FAM133A: variants seen among roughly 807,000 people sequenced by gnomAD.
FAM133A encodes the protein family with sequence similarity 133 member A.
For missense variants in FAM133A, 159 were observed against 164.4 expected, an observed-to-expected ratio of 0.97 and a Z score of 0.18; for synonymous variants, 65 against 58.6, an observed-to-expected ratio of 1.11 and a Z score of -0.50.
intron 2 of FAM133A, among the ~76,000 whole-genome samples, chrX:93,696,489 T>C (rs892490366): frequency 8.9e-6 from 1 of 111,923 alleles, no homozygotes; most frequent in Non-Finnish European, 1.9e-5. Flanking sequence ...AGACCCAGAT[T>C]ACTGCCTCTA....
At chrX:93,708,275 G>A (rs1001092755) in intron 3 of FAM133A, among the ~76,000 whole-genome samples, 1 of 112,132 alleles carries the variant, frequency 8.9e-6, no homozygotes, top group Non-Finnish European at 1.9e-5. Context: ...GAGAAAAAAG[G>A]TGAGTGAAAC....
intron 3 of FAM133A, among the ~76,000 whole-genome samples, chrX:93,699,789 T>G (rs1475778288): frequency 9.0e-6 from 1 of 111,153 alleles, no homozygotes; most frequent in Non-Finnish European, 1.9e-5. Context: ...AATAAGGGCA[T>G]TCTCTGTAAT....
chrX:93,677,164 G>A (rs547159397), intron 2 of FAM133A, among the ~76,000 whole-genome samples: 4 of 109,257 alleles, frequency 3.7e-5, no homozygotes, highest in South Asian at 3.9e-4. Flanking sequence ...TTGGCGGGGG[G>A]GCTAAATGTT....
At chrX:93,687,041 T>C (rs1925574847) in intron 2 of FAM133A, among the ~76,000 whole-genome samples, 1 of 112,383 alleles carries the variant, frequency 8.9e-6, no homozygotes, top group Non-Finnish European at 1.9e-5. Context: ...TGTAAAAGGA[T>C]GTATGACTGC....
At chrX:93,698,151 A>C (rs904356731) in intron 2 of FAM133A, among the ~76,000 whole-genome samples, 3 of 111,405 alleles carry the variant, frequency 2.7e-5, no homozygotes, top group African/African-American at 9.8e-5. Flanking sequence ...ATAGTTATTT[A>C]TAGTAGATAG....
At chrX:93,691,506 T>C (rs182613422) in intron 2 of FAM133A, among the ~76,000 whole-genome samples, 2 of 112,316 alleles carry the variant, frequency 1.8e-5, no homozygotes, top group African/African-American at 3.2e-5. Context: ...CTTATTTATA[T>C]TATATGTCAA....
chrX:93,680,837 T>G (rs1238444940), intron 2 of FAM133A, among the ~76,000 whole-genome samples: 2 of 112,042 alleles, frequency 1.8e-5, no homozygotes, highest in African/African-American at 6.5e-5. Context: ...TTTTGAATAT[T>G]TAACTCCTTA....
chrX:93,688,081 C>A (rs1474951197), intron 2 of FAM133A, among the ~76,000 whole-genome samples: 1 of 109,994 alleles, frequency 9.1e-6, no homozygotes, highest in Non-Finnish European at 1.9e-5. Flanking sequence ...TATATCATGG[C>A]TATTATGAAA....
chrX:93,704,587 C>G (rs1434984877), intron 3 of FAM133A, among the ~76,000 whole-genome samples: 4 of 111,533 alleles, frequency 3.6e-5, no homozygotes, highest in African/African-American at 1.3e-4. Flanking sequence ...AGTGAAAATT[C>G]ATTGGAATCA....
intron 2 of FAM133A, among the ~76,000 whole-genome samples, chrX:93,690,135 C>T (rs913200132): frequency 2.7e-5 from 3 of 110,709 alleles, no homozygotes; most frequent in South Asian, 3.7e-4. Context: ...TGGGTGCATA[C>T]GGTGAGCCTA....
rs1449659707 is a variant in FAM133A, at chrX:93,674,208, G to A, written c.-331G>A. The A allele has an allele frequency of 9.0e-6, 1 of 110,899 alleles. No homozygotes were observed. The highest frequency in any genetic ancestry group is 1.9e-5 in the Non-Finnish European group (1 of 53,021). The allele number at this position is 110,899 out of a possible 1,213,427, so 9.1% of individuals were successfully genotyped here. ...GCATTCCACGAAGCTGATTTAATAA[G>A]TGCTGTCTGTGATGTTTGGCAAGCC... On this transcript the variant is annotated 5_prime_UTR_variant, in exon 1 of 4. The change creates a new upstream start codon in the 5' untranslated region. Coordinates refer to ENST00000683942, the MANE Select transcript of FAM133A (RefSeq NM_001171109.2).
At chrX:93,694,418 G>T (rs1926090659) in intron 2 of FAM133A, among the ~76,000 whole-genome samples, 1 of 110,790 alleles carries the variant, frequency 9.0e-6, no homozygotes, top group South Asian at 3.8e-4. Context: ...AATTCAAGGT[G>T]AAATTAGGAA....
chrX:93,704,815 T>A (rs948250726), intron 3 of FAM133A, among the ~76,000 whole-genome samples: 5 of 112,096 alleles, frequency 4.5e-5, no homozygotes, highest in African/African-American at 1.6e-4. Context: ...ATGAATATTT[T>A]GTACTGTATT....
chrX:93,697,977 A>T (rs1409617636), intron 2 of FAM133A, among the ~76,000 whole-genome samples: 1 of 111,614 alleles, frequency 9.0e-6, no homozygotes, highest in Non-Finnish European at 1.9e-5. Context: ...CACTATTGAA[A>T]TATAAAATAG....
chrX:93,689,353 T>C (rs752738789), intron 2 of FAM133A, among the ~76,000 whole-genome samples: 8 of 111,634 alleles, frequency 7.2e-5, no homozygotes, highest in Non-Finnish European at 1.3e-4. Context: ...CAGCAATCAT[T>C]TTTTAATTAA....
At position 93,711,683 on chromosome X, in the gene FAM133A, C is replaced by T. The variant is rs1927453421; in HGVS notation, c.*1517C>T. The T allele has an allele frequency of 8.2e-6, 1 of 122,269 alleles. No individual in the cohort carries two copies. The highest frequency in any genetic ancestry group is 1.9e-5 in the Non-Finnish European group (1 of 53,044). The allele number at this position is 122,269 out of a possible 1,213,427, so 10.1% of individuals were successfully genotyped here. A position where few individuals can be genotyped will look rare whatever the true frequency, so the allele number is the denominator to read the frequency against. On this transcript the variant is annotated 3_prime_UTR_variant, in exon 4 of 4. Coordinates refer to ENST00000683942, the MANE Select transcript of FAM133A (RefSeq NM_001171109.2). ...GTAAAATTATAAAGATAAAAAACAT[C>T]TACATAAACATGTTGGCTGCCAAAT...
At chrX:93,687,795 T>A (rs919050384) in intron 2 of FAM133A, among the ~76,000 whole-genome samples, 2 of 111,777 alleles carry the variant, frequency 1.8e-5, no homozygotes, top group Admixed American at 1.9e-4. Flanking sequence ...TCTCTTCCCA[T>A]CCCCCGACTA....
intron 2 of FAM133A, among the ~76,000 whole-genome samples, chrX:93,678,342 C>G (rs758774888): frequency 1.8e-5 from 2 of 111,172 alleles, no homozygotes; most frequent in Non-Finnish European, 3.8e-5. Context: ...CTTAAGGGTG[C>G]CTTTTACTGT....
chrX:93,709,891 A>G lies in FAM133A; in HGVS notation c.472A>G (p.Lys158Glu). 1 of 1,196,786 alleles carries G rather than the reference A, an allele frequency of 8.4e-7. No homozygotes were observed. ...AGAATCAGAGAGCAAGGAGTCTGTA[A>G]AAAAGAAAAAGAAGTCAAAGGATGA... ...ESESESKESV[K>E]KKKKSKDETE... The change falls in exon 4 of 4, where the codon AAA (lysine) becomes GAA (glutamate). Residue 158 changes from lysine (K) to glutamate (E), a missense_variant. Coordinates refer to ENST00000683942, the MANE Select transcript of FAM133A (RefSeq NM_001171109.2).
Sources: allele counts gnomAD v4.1 joint callset (sites outside exome capture counted in the v4.1 genomes callset), GRCh38; gene constraint gnomAD v4.1.1; transcripts MANE v1.5; gene names NCBI Gene and HGNC (gene_info 2026-07-23, HGNC 2026-07-21).